Variants in SLC38A9 observed in about 807,000 individuals in gnomAD.
The protein encoded by SLC38A9 is solute carrier family 38 member 9.
Under a neutral mutation model 62.3 loss-of-function variants are expected in SLC38A9, and 48 were observed. The observed-to-expected ratio is 0.77, with a 90% CI of 0.61 to 0.98. SLC38A9 has a LOEUF of 0.98. SLC38A9 is among the 50% of genes least tolerant of loss of function. SLC38A9 has a pLI of 0.00. For synonymous variants in SLC38A9, 204 were observed against 227.7 expected, an observed-to-expected ratio of 0.90 and a Z score of 0.94; for missense variants, 541 against 679.8, an observed-to-expected ratio of 0.80 and a Z score of 2.27.
intron 13 of SLC38A9, 53 bp from the exon 14 acceptor site, chr5:55,633,955 A>G: frequency 2.9e-6 from 4 of 1,367,098 alleles, no homozygotes; most frequent in Non-Finnish European, 4.1e-6. Context: ...CAGTACACAC[A>G]TTCATAAAAT....
intron 3 of SLC38A9, chr5:55,692,496 A>T: frequency 2.8e-6 from 1 of 355,850 alleles, no homozygotes; most frequent in Non-Finnish European, 3.9e-6. Flanking sequence ...TTTTCTCATT[A>T]AATAGTTTGT....
intron 3 of SLC38A9, among the ~76,000 whole-genome samples, chr5:55,677,924 TATTGTGTGTGTGTGTGTGTG>T (rs1752361949): frequency 8.6e-6 from 1 of 115,716 alleles, no homozygotes. Flanking sequence ...TTTTTTTCTT[TATTGTGTGTGTGTGTGTGTG>T]TGTGTGTGTG....
intron 12 of SLC38A9, among the ~76,000 whole-genome samples, chr5:55,642,326 T>C (rs1745574453): frequency 1.3e-5 from 2 of 152,248 alleles, no homozygotes; most frequent in Non-Finnish European, 2.9e-5. Flanking sequence ...ATTACAGGCG[T>C]GAGCCACCGT....
At chr5:55,698,652 C>T (rs1382552306) in intron 2 of SLC38A9, among the ~76,000 whole-genome samples, 1 of 152,146 alleles carries the variant, frequency 6.6e-6, no homozygotes, top group Non-Finnish European at 1.5e-5. Context: ...TAAAATGGAC[C>T]AGAGGCTATA....
intron 12 of SLC38A9, among the ~76,000 whole-genome samples, chr5:55,644,876 C>T (rs1472728100): frequency 2.0e-5 from 3 of 151,826 alleles, no homozygotes; most frequent in African/African-American, 7.3e-5. Flanking sequence ...ACTCCCCCCA[C>T]CCCACAACAG....
chr5:55,703,757 T>C lies in SLC38A9; in HGVS notation c.-34-5765A>G, dbSNP rs537808627. The stretch of plus-strand genomic sequence containing the variant: ...TTATGACATTAAGATGGAATGAAGT[T>C]AGGATTGATAGAATCTGTTAAATCT... On this transcript the variant is annotated intron_variant, in intron 2 of 15. Transcript: ENST00000396865. 1.0e-3 allele frequency among the ~76,000 whole-genome samples: 157 copies of C among 152,326 alleles called. 1 individual carries two copies. Among genetic ancestry groups the C allele is most frequent in the African/African-American group, 3.7e-3 (154 of 41,572 alleles).
chr5:55,628,601 G>T (rs1368603999), intron 14 of SLC38A9, among the ~76,000 whole-genome samples: 1 of 152,116 alleles, frequency 6.6e-6, no homozygotes. Flanking sequence ...TTCATAAAGT[G>T]TTCAAATTAC....
At chr5:55,688,054 G>C (rs1754186689) in intron 3 of SLC38A9, among the ~76,000 whole-genome samples, 1 of 152,026 alleles carries the variant, frequency 6.6e-6, no homozygotes, top group Admixed American at 6.5e-5. Flanking sequence ...TTTGGCTCTC[G>C]GCTTGACTGT....
chr5:55,649,459 C>A, intron 10 of SLC38A9, 145 bp from the exon 11 acceptor site: 1 of 502,688 alleles, frequency 2.0e-6, no homozygotes, highest in South Asian at 4.3e-5. Context: ...CAGCTGGGAT[C>A]TAAAGACTAG....
In SLC38A9 at chr5:55,669,559, G is replaced by A; in HGVS notation, c.430C>T (p.Gln144Ter). ...GTGTGCTGAAAAATTAGTATTACCT[G>A]TTTTATGCCCCAAGGAATGCTTAGT... is the stretch of plus-strand genomic sequence containing the variant. Reference protein sequence around the residue: ...SILSIPWGIKQAGFTTGMCVI... With the variant: ...SILSIPWGIK Residue 144 changes from glutamine to a stop codon, truncating the protein, a stop_gained and splice_region_variant, in exon 6 of 16, where the codon CAG becomes TAG. Coordinates refer to ENST00000396865, the MANE Select transcript of SLC38A9 (RefSeq NM_173514.4). LOFTEE classifies it high-confidence loss of function. 1 of 1,604,970 alleles carries A rather than the reference G, an allele frequency of 6.2e-7. No homozygotes were observed. Among genetic ancestry groups the A allele is most frequent in the Non-Finnish European group, 8.5e-7 (1 of 1,175,722 alleles).
At position 55,626,504 on chromosome 5, in the gene SLC38A9, A is replaced by C. The variant is rs1254562262; in HGVS notation, c.1676T>G (p.Phe559Cys). 6.2e-7 allele frequency: 1 copy of C among 1,611,630 alleles called. No homozygotes were observed. The highest frequency in any genetic ancestry group is 1.1e-5 in the South Asian group (1 of 90,842). The part of the protein sequence containing the change: ...ILGVANLIVQ[F>C]FM ...AACAGTTGAGGTATTTCACATAAAA[A>C]ACTGAACAATCAGGTTAGCCACGCC... The change falls in exon 16 of 16, where the codon TTT (phenylalanine) becomes TGT (cysteine). Residue 559 changes from phenylalanine (F) to cysteine (C), a missense_variant. Coordinates refer to ENST00000396865, the MANE Select transcript of SLC38A9 (RefSeq NM_173514.4).
intron 7 of SLC38A9, among the ~76,000 whole-genome samples, chr5:55,666,920 CAGG>C (rs1439398987): frequency 6.6e-6 from 1 of 152,038 alleles, no homozygotes. Context: ...GAGGCTGAGG[CAGG>C]AGAATGGCGT....
intron 12 of SLC38A9, 86 bp downstream of exon 12, chr5:55,645,703 A>C (rs1746216141): frequency 1.1e-5 from 10 of 899,924 alleles, no homozygotes; most frequent in Non-Finnish European, 1.7e-5. Flanking sequence ...GCCTAATTGT[A>C]CTCTAAATAT....
At chr5:55,632,460 C>CAA (rs1743648870) in intron 14 of SLC38A9, among the ~76,000 whole-genome samples, 1 of 150,888 alleles carries the variant, frequency 6.6e-6, no homozygotes, top group African/African-American at 2.5e-5. Context: ...CAAACAACAA[C>CAA]AACAACAAAA....
At chr5:55,695,248 T>C (rs890967377) in intron 3 of SLC38A9, among the ~76,000 whole-genome samples, 2 of 151,004 alleles carry the variant, frequency 1.3e-5, no homozygotes, top group African/African-American at 4.9e-5. Context: ...CATATAGATT[T>C]TACACATTCA....
intron 3 of SLC38A9, among the ~76,000 whole-genome samples, chr5:55,673,805 G>A (rs1751706882): frequency 6.7e-6 from 1 of 149,826 alleles, no homozygotes; most frequent in South Asian, 2.1e-4. Flanking sequence ...TCCACCTCCT[G>A]AGTTCAAGCA....
intron 10 of SLC38A9, among the ~76,000 whole-genome samples, chr5:55,651,082 C>T (rs1436856369): frequency 6.6e-6 from 1 of 151,916 alleles, no homozygotes; most frequent in Non-Finnish European, 1.5e-5. Flanking sequence ...TGAGCCACCG[C>T]ACCCAGCCTA....
chr5:55,691,089 C>G, intron 3 of SLC38A9: 1 of 685,810 alleles, frequency 1.5e-6, no homozygotes, highest in South Asian at 1.5e-5. Context: ...GTTTGAAGGG[C>G]AGTAGGAATG....
intron 14 of SLC38A9, among the ~76,000 whole-genome samples, chr5:55,631,891 T>C (rs1311422754): frequency 6.6e-6 from 1 of 151,896 alleles, no homozygotes; most frequent in Non-Finnish European, 1.5e-5. Flanking sequence ...GGGTAGGAGT[T>C]AACCAAAGGT....
Sources: gnomAD v4.1 joint callset for allele counts (sites outside exome capture counted in the v4.1 genomes callset) on GRCh38, gnomAD v4.1.1 for gene constraint, MANE v1.5 for transcripts, NCBI Gene and HGNC (gene_info 2026-07-23, HGNC 2026-07-21) for gene names.